ATP13A4: variants seen among roughly 807,000 people sequenced by gnomAD.
ATP13A4 encodes the protein probable cation-transporting ATPase 13A4.
ATP13A4 carries 114 observed loss-of-function variants against 142.5 expected under a neutral mutation model. That is an observed-to-expected ratio of 0.80 (90% CI 0.69 to 0.93). ATP13A4 has a LOEUF of 0.93. ATP13A4 is among the 40% of genes least tolerant of loss of function. The pLI, the probability that ATP13A4 is intolerant of heterozygous loss-of-function variation, is 0.00. For synonymous variants in ATP13A4, 488 were observed against 514.8 expected (o/e 0.95, Z 0.70); for missense variants, 1,392 against 1,454.0 (o/e 0.96, Z 0.69).
chr3:193,543,701 G>A (rs113196255), intron 1 of ATP13A4, among the ~76,000 whole-genome samples: 7 of 152,124 alleles, frequency 4.6e-5, no homozygotes, highest in South Asian at 2.1e-4. Context: ...GATAATCCAC[G>A]AAGTCATAAA....
chr3:193,551,921 G>T (rs191745504), intron 1 of ATP13A4, among the ~76,000 whole-genome samples: 2 of 152,212 alleles, frequency 1.3e-5, no homozygotes, highest in African/African-American at 4.8e-5. Context: ...ACCTAGGGTT[G>T]CTCTTTAGTT....
In ATP13A4 at chr3:193,462,803, G is replaced by A. The variant is rs59451116; in HGVS notation, c.1482C>T (p.Asp494=). 355,039 of 1,610,888 alleles carry A rather than the reference G, an allele frequency of 0.22. 41,313 individuals are homozygous for A. Among genetic ancestry groups the A allele is most frequent in the South Asian group, 0.36 (32,389 of 90,970 alleles). ...CFDKTGTLTR[D]GLDLWGVVSC... is the part of the protein sequence containing the mutation. ...ACACGACTCCCCAGAGGTCCAAGCC[G>A]TCCCTTGTTAAGGTGCCTGTCTAAA... Residue 494 remains aspartate (D), a synonymous_variant, in exon 13 of 30, where the codon GAC becomes GAT. Transcript: ENST00000342695.
chr3:193,510,245 CAG>C (rs1358629554), intron 2 of ATP13A4, among the ~76,000 whole-genome samples: 1 of 152,134 alleles, frequency 6.6e-6, no homozygotes, highest in African/African-American at 2.4e-5. Context: ...GGCTGATTGG[CAG>C]AGTTTCTAAG....
At chr3:193,548,659 C>A (rs950802085) in intron 1 of ATP13A4, among the ~76,000 whole-genome samples, 6 of 152,120 alleles carry the variant, frequency 3.9e-5, no homozygotes, top group African/African-American at 1.4e-4. Flanking sequence ...GGGGGAGGTG[C>A]TTTTGCTCCC....
At chr3:193,571,338 A>C (rs1339278650) in intron 2 of ATP13A4, among the ~76,000 whole-genome samples, 1 of 152,058 alleles carries the variant, frequency 6.6e-6, no homozygotes, top group African/African-American at 2.4e-5. Context: ...CAATTGAATA[A>C]ATAAATGGGG....
intron 1 of ATP13A4, among the ~76,000 whole-genome samples, chr3:193,528,899 T>G (rs1722159212): frequency 6.6e-6 from 1 of 152,184 alleles, no homozygotes; most frequent in African/African-American, 2.4e-5. Flanking sequence ...CAGTGAGCTT[T>G]TAGCTCTTCT....
chr3:193,433,018 T>C (rs1240340276), intron 25 of ATP13A4, among the ~76,000 whole-genome samples: 3 of 152,214 alleles, frequency 2.0e-5, no homozygotes, highest in Non-Finnish European at 4.4e-5. Flanking sequence ...AATGCTTTCA[T>C]TGAGTTTTGC....
chr3:193,442,696 G>C, intron 18 of ATP13A4, 140 bp from the exon 19 acceptor site: 1 of 789,106 alleles, frequency 1.3e-6, no homozygotes, highest in Non-Finnish European at 2.1e-6. Context: ...TTTCAGCCCT[G>C]ACCTTCTGTG....
Position 193,458,701 on chromosome 3 carries a change from C to G in ATP13A4, c.1674+380G>C, listed in dbSNP as rs1477496391. On this transcript the variant is annotated intron_variant, in intron 14 of 29. Coordinates refer to ENST00000342695, the MANE Select transcript of ATP13A4 (RefSeq NM_032279.4). ...GAGTTATCCTGAGCACTGGAGAAAG[C>G]AATGTTTTCTGATCCCCATATTCTG... 3 of 415,952 alleles carry G rather than the reference C, an allele frequency of 7.2e-6. No individual in the cohort carries two copies. The Admixed American group carries it at 1.1e-4, about 15-fold the overall frequency. 25.8% of individuals were successfully genotyped at this position (415,952 alleles called of 1,614,324 possible).
intron 2 of ATP13A4, among the ~76,000 whole-genome samples, chr3:193,574,361 T>C (rs1724350610): frequency 6.6e-6 from 1 of 152,166 alleles, no homozygotes; most frequent in Non-Finnish European, 1.5e-5. Context: ...TTGAAACACT[T>C]TTTCCTTAAA....
At chr3:193,428,193 C>T (rs1009230624) in intron 25 of ATP13A4, among the ~76,000 whole-genome samples, 4 of 151,920 alleles carry the variant, frequency 2.6e-5, no homozygotes, top group African/African-American at 9.7e-5. Flanking sequence ...TGAAAAAATG[C>T]TCATCATCAC....
rs189109803 is a variant in ATP13A4 at position 193,458,928 on chromosome 3, A to T, written c.1674+153T>A. 1.4e-4 allele frequency: 135 copies of T among 986,694 alleles called. No homozygotes were observed. The African/African-American group carries it at 1.9e-3, about 14-fold the overall frequency. 61.1% of individuals were successfully genotyped at this position (986,694 alleles called of 1,614,324 possible). The stretch of plus-strand genomic sequence containing the variant: ...TATTATTAGCTTCATTGCACAGATG[A>T]GGAAACCAGCCTTAGATTGGTTTGC... On this transcript the variant is annotated intron_variant, in intron 14 of 29. Transcript: ENST00000342695.
intron 25 of ATP13A4, among the ~76,000 whole-genome samples, chr3:193,431,233 T>C (rs529212861): frequency 3.0e-4 from 45 of 152,228 alleles, no homozygotes; most frequent in African/African-American, 1.1e-3. Context: ...GATCAGTAAG[T>C]AGCACAAACT....
chr3:193,568,053 G>T (rs989433291), intron 2 of ATP13A4, among the ~76,000 whole-genome samples: 1 of 151,820 alleles, frequency 6.6e-6, no homozygotes. Context: ...TCCGTCTCCC[G>T]GGTTCAAGCG....
In ATP13A4 at chr3:193,401,147, A is replaced by C. The variant is rs1327004904; in HGVS notation, c.*1505T>G. Among the ~76,000 whole-genome samples, 1 of 152,174 alleles carries C rather than the reference A, an allele frequency of 6.6e-6. No individual in the cohort carries two copies. Among genetic ancestry groups the C allele is most frequent in the Admixed American group, 6.5e-5 (1 of 15,280 alleles). On this transcript the variant is annotated 3_prime_UTR_variant, in exon 30 of 30. Coordinates refer to ENST00000342695, the MANE Select transcript of ATP13A4 (RefSeq NM_032279.4). ...TTGCAAATGCTATTGATAAGTTCCAAAGCCAGCCTGGGCCAGGACACTTAT... is the reference window on the plus strand; with the variant it reads ...TTGCAAATGCTATTGATAAGTTCCACAGCCAGCCTGGGCCAGGACACTTAT...
chr3:193,470,064 TTGATCTGAACTTGAATGGGAACCA>T (rs1290197683), intron 9 of ATP13A4, among the ~76,000 whole-genome samples: 1 of 152,212 alleles, frequency 6.6e-6, no homozygotes, highest in African/African-American at 2.4e-5. Context: ...AGAAATGGAT[TTGATCTGAACTTGAATGGGAACCA>T]TGATACACCA....
intron 1 of ATP13A4, among the ~76,000 whole-genome samples, chr3:193,588,913 G>C (rs1724714672): frequency 6.6e-6 from 1 of 152,122 alleles, no homozygotes; most frequent in African/African-American, 2.4e-5. Flanking sequence ...GTTGAGGCAG[G>C]CAGATTACTT....
At chr3:193,450,810 G>A (rs1379514519) in intron 17 of ATP13A4, among the ~76,000 whole-genome samples, 2 of 152,152 alleles carry the variant, frequency 1.3e-5, no homozygotes, top group Admixed American at 1.3e-4. Context: ...CCATCTAGTG[G>A]AAGATGTGCC....
chr3:193,410,935 T>C (rs1322890469), intron 28 of ATP13A4, 47 bp downstream of exon 28: 2 of 1,201,834 alleles, frequency 1.7e-6, no homozygotes, highest in South Asian at 2.5e-5. Context: ...AAAGTTAAAC[T>C]GTTACATAAC....
Sources: allele counts gnomAD v4.1 joint callset (sites outside exome capture counted in the v4.1 genomes callset), GRCh38; gene constraint gnomAD v4.1.1; transcripts MANE v1.5; gene names NCBI Gene and HGNC (gene_info 2026-07-23, HGNC 2026-07-21).